PRORP: variants seen among roughly 807,000 people sequenced by gnomAD.
PRORP encodes the protein protein only RNase P catalytic subunit, also known as mitochondrial ribonuclease P catalytic subunit.
PRORP carries 51 observed loss-of-function variants against 59.4 expected under a neutral mutation model. That is an observed-to-expected ratio of 0.86 (90% CI 0.69 to 1.08). The LOEUF (loss-of-function observed/expected upper bound fraction) is 1.08. PRORP is among the 50% of genes least tolerant of loss of function. The pLI is 0.00. For synonymous variants in PRORP, 231 were observed against 245.6 expected (o/e 0.94, Z 0.55); for missense variants, 646 against 690.3 (o/e 0.94, Z 0.72).
intron 4 of PRORP, among the ~76,000 whole-genome samples, chr14:35,165,320 A>G (rs552788747): frequency 5.3e-5 from 8 of 151,982 alleles, no homozygotes; most frequent in Non-Finnish European, 1.2e-4. Flanking sequence ...GGGATAGTAC[A>G]AGAGAATGAA....
intron 5 of PRORP, among the ~76,000 whole-genome samples, chr14:35,253,361 GAAAGAAAGAAAGA>G (rs1410286631): frequency 1.8e-4 from 25 of 138,756 alleles, no homozygotes; most frequent in Non-Finnish European, 2.5e-4. Context: ...GAGAGAGAAA[GAAAGAAAGAAAGA>G]AAAGAAAGAA....
At chr14:35,126,810 G>A in intron 3 of PRORP, 28 bp downstream of exon 3, 2 of 1,577,886 alleles carry the variant, frequency 1.3e-6, no homozygotes, top group South Asian at 2.3e-5. Flanking sequence ...TTTTTAACTT[G>A]TTTGATTTTG....
intron 4 of PRORP, among the ~76,000 whole-genome samples, chr14:35,132,445 C>T (rs2138808883): frequency 6.7e-6 from 1 of 149,292 alleles, no homozygotes; most frequent in Non-Finnish European, 1.5e-5. Context: ...GCAACAAGAG[C>T]AAATCTCCAT....
At chr14:35,158,895 T>C (rs2047988731) in intron 4 of PRORP, 1 of 304,840 alleles carries the variant, frequency 3.3e-6, no homozygotes, top group Non-Finnish European at 6.4e-6. Flanking sequence ...AGTTGATTAA[T>C]GTTGTCTTTC....
chr14:35,241,178 G>C (rs2050356666), intron 5 of PRORP, among the ~76,000 whole-genome samples: 1 of 152,158 alleles, frequency 6.6e-6, no homozygotes, highest in Non-Finnish European at 1.5e-5. Flanking sequence ...AGGAGTTTGA[G>C]AGCAGCCTGG....
intron 5 of PRORP, among the ~76,000 whole-genome samples, chr14:35,209,054 A>T (rs2049369187): frequency 6.6e-6 from 1 of 151,922 alleles, no homozygotes; most frequent in Non-Finnish European, 1.5e-5. Flanking sequence ...AAAAATAAAT[A>T]AAAATACAAA....
intron 5 of PRORP, among the ~76,000 whole-genome samples, chr14:35,252,595 A>T (rs1437921286): frequency 6.6e-6 from 1 of 152,138 alleles, no homozygotes; most frequent in Non-Finnish European, 1.5e-5. Flanking sequence ...GTCTCCAACC[A>T]TGACTGGGCT....
chr14:35,201,609 A>G (rs2049151477), intron 5 of PRORP, among the ~76,000 whole-genome samples: 1 of 151,738 alleles, frequency 6.6e-6, no homozygotes, highest in African/African-American at 2.4e-5. Context: ...TGGCACTACA[A>G]AATGCCTCAT....
At chr14:35,126,088 G>A (rs1479318803) in intron 2 of PRORP, among the ~76,000 whole-genome samples, 3 of 152,152 alleles carry the variant, frequency 2.0e-5, no homozygotes, top group Non-Finnish European at 4.4e-5. Context: ...GAGTAGATAG[G>A]AGAGGGATTA....
intron 4 of PRORP, among the ~76,000 whole-genome samples, chr14:35,133,740 C>T (rs1242974491): frequency 6.6e-6 from 1 of 152,206 alleles, no homozygotes; most frequent in African/African-American, 2.4e-5. Context: ...GTAAGAGGTA[C>T]TGCCTTCATG....
intron 5 of PRORP, among the ~76,000 whole-genome samples, chr14:35,214,094 C>T (rs757640376): frequency 1.3e-5 from 2 of 152,206 alleles, no homozygotes; most frequent in Non-Finnish European, 2.9e-5. Context: ...TTATTCATCA[C>T]TTGTCAGAAT....
chr14:35,131,187 C>T (rs569510886), intron 4 of PRORP, among the ~76,000 whole-genome samples: 1 of 151,978 alleles, frequency 6.6e-6, no homozygotes, highest in South Asian at 2.1e-4. Flanking sequence ...AGGTGATCCA[C>T]CCACCTCGGC....
chr14:35,253,373 GAAAA>G (rs1256720937), intron 5 of PRORP, among the ~76,000 whole-genome samples: 4 of 132,814 alleles, frequency 3.0e-5, no homozygotes, highest in East Asian at 4.2e-4. Context: ...AAGAAAGAAA[GAAAA>G]GAAAGAAAGA....
chr14:35,246,719 A>G (rs1291559216), intron 5 of PRORP, among the ~76,000 whole-genome samples: 1 of 152,210 alleles, frequency 6.6e-6, no homozygotes, highest in Non-Finnish European at 1.5e-5. Flanking sequence ...AGTTTGCCTT[A>G]ACCTGAAAGT....
At position 35,157,355 on chromosome 14, in the gene PRORP, G is replaced by GT. The variant is rs1476383471; in HGVS notation, c.1168-23313dup. On this transcript the variant is annotated intron_variant, in intron 4 of 7. Transcript: ENST00000534898. ...TTCTTCCCAAGTCATTCACCATTGT[G>GT]TTGATGGTACAAGGCTTCTCCACTT... Among the ~76,000 whole-genome samples, 17 of 152,140 alleles carry GT rather than the reference G, an allele frequency of 1.1e-4. 1 individual carries two copies. Among genetic ancestry groups the GT allele is most frequent in the Admixed American group, 9.2e-4 (14 of 15,278 alleles).
intron 5 of PRORP, among the ~76,000 whole-genome samples, chr14:35,242,099 T>A (rs1032020418): frequency 1.3e-5 from 2 of 152,206 alleles, no homozygotes; most frequent in African/African-American, 4.8e-5. Context: ...TGCATTAGAA[T>A]AATATACATC....
intron 5 of PRORP, among the ~76,000 whole-genome samples, chr14:35,186,581 T>G (rs946278571): frequency 5.3e-5 from 8 of 151,708 alleles, no homozygotes; most frequent in African/African-American, 1.7e-4. Flanking sequence ...TGTCTTTTCC[T>G]TTTTTCTTTC....
At chr14:35,157,392 A>C (rs2047943218) in intron 4 of PRORP, among the ~76,000 whole-genome samples, 1 of 152,226 alleles carries the variant, frequency 6.6e-6, no homozygotes, top group African/African-American at 2.4e-5. Flanking sequence ...CAATCAGAGA[A>C]ACGTCAGATG....
intron 4 of PRORP, among the ~76,000 whole-genome samples, chr14:35,175,922 G>A (rs1223067273): frequency 1.3e-5 from 2 of 152,112 alleles, no homozygotes; most frequent in Non-Finnish European, 2.9e-5. Flanking sequence ...TTTGTATAAG[G>A]TGTAAGGAAG....
Sources: allele counts gnomAD v4.1 joint callset (sites outside exome capture counted in the v4.1 genomes callset), GRCh38; gene constraint gnomAD v4.1.1; transcripts MANE v1.5; gene names NCBI Gene and HGNC (gene_info 2026-07-23, HGNC 2026-07-21).